CXCL13: variants seen among roughly 807,000 people sequenced by gnomAD.
The protein encoded by CXCL13 is C-X-C motif chemokine ligand 13, also known as C-X-C motif chemokine 13.
Under a neutral mutation model 12.2 loss-of-function variants are expected in CXCL13, and 7 were observed. The ratio of observed to expected loss-of-function variants is 0.57; its 90% CI spans 0.33 to 1.07. The LOEUF (loss-of-function observed/expected upper bound fraction) is 1.07. Ranked by LOEUF, CXCL13 falls within the 50% of genes least tolerant of loss-of-function variation. CXCL13 has a pLI of 0.04. For missense variants in CXCL13, 113 were observed against 127.4 expected, an observed-to-expected ratio of 0.89 and a Z score of 0.55; for synonymous variants, 47 against 42.4, an observed-to-expected ratio of 1.11 and a Z score of -0.42.
intron 1 of CXCL13, among the ~76,000 whole-genome samples, chr4:77,512,119 CTG>C (rs1262664246): frequency 1.3e-5 from 2 of 152,162 alleles, no homozygotes; most frequent in African/African-American, 4.8e-5. Context: ...TCGACTTAAA[CTG>C]TGAATCTGAT....
chr4:77,541,339 C>G (rs552980172), intron 1 of CXCL13, among the ~76,000 whole-genome samples: 1 of 152,254 alleles, frequency 6.6e-6, no homozygotes, highest in African/African-American at 2.4e-5. Flanking sequence ...AGGCTGATGT[C>G]CAGAATGGTG....
At chr4:77,532,637 G>C (rs986027942) in intron 1 of CXCL13, among the ~76,000 whole-genome samples, 15 of 152,296 alleles carry the variant, frequency 9.8e-5, no homozygotes, top group Middle Eastern at 3.4e-3. Context: ...ATCCTGTAGA[G>C]TGTTTTCCAA....
chr4:77,544,950 C>T (rs1421959612), intron 1 of CXCL13, among the ~76,000 whole-genome samples: 4 of 152,302 alleles, frequency 2.6e-5, no homozygotes, highest in Non-Finnish European at 5.9e-5. Context: ...GATCCAGCTT[C>T]AGCTTTCTAC....
Position 77,609,046 on chromosome 4 carries a change from A to G in CXCL13, c.197+1211A>G, listed in dbSNP as rs1578075572. On this transcript the variant is annotated intron_variant, in intron 2 of 3. Transcript: ENST00000682537. ...ACCAGATACAGAAATGAAAGTTTCAAATTATTGTGAGAAATTCATGCCAGT... is the reference window on the plus strand; with the variant it reads ...ACCAGATACAGAAATGAAAGTTTCAGATTATTGTGAGAAATTCATGCCAGT... 3.3e-5 allele frequency among the ~76,000 whole-genome samples: 5 copies of G among 152,338 alleles called. 1 individual carries two copies. The highest frequency in any genetic ancestry group is 3.3e-4 in the Admixed American group (5 of 15,306).
rs187944412 is a variant in CXCL13 at position 77,570,865 on chromosome 4, C to A, written c.-42-34959C>A. Among the ~76,000 whole-genome samples, 10 of 152,106 alleles carry A rather than the reference C, an allele frequency of 6.6e-5. No homozygotes were observed. The South Asian group carries it at 2.1e-3, about 32-fold the overall frequency. ...AAGCAGTGCCAGCCCACCGGTGCTG[C>A]GCTCGATTTCTCACCGGGCCTTAGC... On this transcript the variant is annotated intron_variant, in intron 1 of 4. Coordinates refer to the CXCL13 transcript ENST00000286758.
chr4:77,530,753 G>T (rs753636984), intron 1 of CXCL13, among the ~76,000 whole-genome samples: 7 of 151,956 alleles, frequency 4.6e-5, no homozygotes, highest in Non-Finnish European at 4.4e-5. Context: ...TTTTTGAAGG[G>T]TTTTTTGTGT....
chr4:77,604,310 A>G (rs1158365583), upstream of CXCL13, among the ~76,000 whole-genome samples: 4 of 152,060 alleles, frequency 2.6e-5, no homozygotes, highest in Admixed American at 1.3e-4. Flanking sequence ...CAGCATTGCA[A>G]TCTGAGGCTC....
chr4:77,531,797 G>A (rs1221536567), intron 1 of CXCL13, among the ~76,000 whole-genome samples: 1 of 152,156 alleles, frequency 6.6e-6, no homozygotes, highest in African/African-American at 2.4e-5. Context: ...TTACCATTAT[G>A]TAATGGCCTT....
At chr4:77,601,824 T>A (rs1403709745), upstream of CXCL13, among the ~76,000 whole-genome samples, 4 of 152,246 alleles carry the variant, frequency 2.6e-5, no homozygotes, top group African/African-American at 9.6e-5. Context: ...ATGTTACTGA[T>A]ACTGGTGGCC....
At chr4:77,576,591 T>C (rs1726205270) in intron 1 of CXCL13, among the ~76,000 whole-genome samples, 1 of 152,174 alleles carries the variant, frequency 6.6e-6, no homozygotes, top group South Asian at 2.1e-4. Context: ...TGTCACTTTC[T>C]GACAGGTCCA....
chr4:77,542,850 T>G (rs957426712), intron 1 of CXCL13, among the ~76,000 whole-genome samples: 1 of 152,126 alleles, frequency 6.6e-6, no homozygotes, highest in African/African-American at 2.4e-5. Flanking sequence ...CTTTGCCAGG[T>G]TTTGGTATCA....
intron 1 of CXCL13, among the ~76,000 whole-genome samples, chr4:77,567,700 G>C (rs1018229161): frequency 6.6e-6 from 1 of 152,104 alleles, no homozygotes; most frequent in South Asian, 2.1e-4. Flanking sequence ...GCTAATTATA[G>C]TATATTACCA....
At chr4:77,532,510 G>A (rs1256164824) in intron 1 of CXCL13, among the ~76,000 whole-genome samples, 1 of 152,096 alleles carries the variant, frequency 6.6e-6, no homozygotes, top group Non-Finnish European at 1.5e-5. Flanking sequence ...TGGTGAATCT[G>A]ACAATTCTGT....
At position 77,515,902 on chromosome 4, in the gene CXCL13, G is replaced by A. The variant is rs532861274; in HGVS notation, c.-43+4114G>A. Among the ~76,000 whole-genome samples, 43 of 152,290 alleles carry A rather than the reference G, an allele frequency of 2.8e-4. 1 individual carries two copies. The highest frequency in any genetic ancestry group is 1.0e-3 in the African/African-American group (43 of 41,558). On this transcript the variant is annotated intron_variant, in intron 1 of 4. Transcript: ENST00000286758. ...TCTTGCACCAGTTTTCAAAGGGAATGCTTCCAGTTTTTGCACATTCAGTAT... is the reference window on the plus strand; with the variant it reads ...TCTTGCACCAGTTTTCAAAGGGAATACTTCCAGTTTTTGCACATTCAGTAT...
intron 1 of CXCL13, among the ~76,000 whole-genome samples, chr4:77,545,150 C>A (rs1725322775): frequency 6.6e-6 from 1 of 152,078 alleles, no homozygotes; most frequent in Non-Finnish European, 1.5e-5. Context: ...GTTACTGTAG[C>A]CTTGTAATAT....
At chr4:77,556,379 T>A (rs1191225885) in intron 1 of CXCL13, among the ~76,000 whole-genome samples, 1 of 152,108 alleles carries the variant, frequency 6.6e-6, no homozygotes, top group African/African-American at 2.4e-5. Context: ...TTATGTGATA[T>A]TTTAGAAAAA....
intron 1 of CXCL13, among the ~76,000 whole-genome samples, chr4:77,537,091 CAT>C (rs1725076760): frequency 1.3e-5 from 2 of 152,108 alleles, no homozygotes. Context: ...AAATAAAAGA[CAT>C]ATTCAAATTG....
At chr4:77,532,926 T>G (rs556879492) in intron 1 of CXCL13, among the ~76,000 whole-genome samples, 1 of 152,096 alleles carries the variant, frequency 6.6e-6, no homozygotes, top group Non-Finnish European at 1.5e-5. Context: ...ATTATTCTAG[T>G]TTGCCATTCA....
chr4:77,540,495 A>T (rs1245429306), intron 1 of CXCL13, among the ~76,000 whole-genome samples: 1 of 151,976 alleles, frequency 6.6e-6, no homozygotes, highest in Non-Finnish European at 1.5e-5. Context: ...TTTAGCTCCC[A>T]CTTGTAAGAA....
Sources: allele counts gnomAD v4.1 joint callset (sites outside exome capture counted in the v4.1 genomes callset), GRCh38; gene constraint gnomAD v4.1.1; transcripts MANE v1.5; gene names NCBI Gene and HGNC (gene_info 2026-07-23, HGNC 2026-07-21).